The following ARHGAP28 variants were observed in gnomAD, a reference collection of about 807,000 sequenced individuals.
ARHGAP28 encodes Rho GTPase activating protein 28, also known as rho GTPase-activating protein 28.
In ARHGAP28, 56 loss-of-function variants were observed where a neutral mutation model predicts 90.7. The observed-to-expected ratio is 0.62, with a 90% CI of 0.50 to 0.77. The LOEUF is 0.77. ARHGAP28 is among the 30% of genes least tolerant of loss of function. The pLI is 0.00. For synonymous variants in ARHGAP28, 308 were observed against 323.3 expected (o/e 0.95, Z 0.51); for missense variants, 869 against 900.9 (o/e 0.96, Z 0.45).
At chr18:6,837,174 C>G in intron 2 of ARHGAP28, 23 bp from the exon 3 acceptor site, 1 of 1,520,676 alleles carries the variant, frequency 6.6e-7, no homozygotes, top group Non-Finnish European at 8.9e-7. Context: ...TTCTAACCCT[C>G]TCTTGGTAAT....
intron 14 of ARHGAP28, among the ~76,000 whole-genome samples, chr18:6,893,582 G>C (rs1418454871): frequency 1.3e-5 from 2 of 152,120 alleles, no homozygotes; most frequent in Middle Eastern, 3.2e-3. Flanking sequence ...CTACCCATAT[G>C]AGCCTGGACA....
At chr18:6,896,757 G>A in intron 16 of ARHGAP28, 131 bp downstream of exon 16, 1 of 1,040,072 alleles carries the variant, frequency 9.6e-7, no homozygotes, top group East Asian at 2.6e-5. Context: ...TTTACCAGTG[G>A]ATTACGAGAA....
At chr18:6,833,352 A>G (rs2056729758) in intron 2 of ARHGAP28, among the ~76,000 whole-genome samples, 1 of 151,986 alleles carries the variant, frequency 6.6e-6, no homozygotes, top group African/African-American at 2.4e-5. Flanking sequence ...TCGTTTCTAG[A>G]TTACCTTTTA....
chr18:6,849,932 T>C (rs1416379378), intron 3 of ARHGAP28, among the ~76,000 whole-genome samples: 1 of 152,184 alleles, frequency 6.6e-6, no homozygotes, highest in Non-Finnish European at 1.5e-5. Context: ...TTTCTTTCTC[T>C]CCACTTTTTC....
rs139339040 is a variant in ARHGAP28 at position 6,787,881 on chromosome 18, A to AT, written c.123-36879dup. Among the ~76,000 whole-genome samples, 1,517 of 152,328 alleles carry AT rather than the reference A, an allele frequency of 1.0e-2. 21 individuals carry two copies. Among genetic ancestry groups the AT allele is most frequent in the African/African-American group, 0.034 (1,409 of 41,568 alleles). On this transcript the variant is annotated intron_variant, in intron 1 of 17. Transcript: ENST00000383472. ...TCTAATTCCTATCCATCACAGTTGG[A>AT]TTGACAGTAGGATTACTCCAACTGT...
chr18:6,821,565 C>T (rs1462423202), intron 1 of ARHGAP28, among the ~76,000 whole-genome samples: 1 of 152,186 alleles, frequency 6.6e-6, no homozygotes, highest in African/African-American at 2.4e-5. Flanking sequence ...ATGGTTCCTT[C>T]TCCACCCTGG....
chr18:6,896,554 T>A lies in ARHGAP28; in HGVS notation c.1958T>A (p.Val653Glu). The change falls in exon 16 of 18, where the codon GTG becomes GAG. Residue 653 changes from valine (V) to glutamate (E), a missense_variant. Physicochemically the swap from Val to Glu is moderately radical, Grantham distance 121. Coordinates refer to ENST00000383472, the MANE Select transcript of ARHGAP28 (RefSeq NM_001366230.1). ...IRVHAPLLSK[V>E]SMAIQLNNQT... Reference sequence around the variant, plus strand: ...GTCCATGCTCCACTTCTCTCCAAGGTGTCCATGGCCATTCAACTCAACAAT... The same window carrying A: ...GTCCATGCTCCACTTCTCTCCAAGGAGTCCATGGCCATTCAACTCAACAAT... 6.2e-7 allele frequency: 1 copy of A among 1,614,158 alleles called. No individual in the cohort carries two copies. Among genetic ancestry groups the A allele is most frequent in the East Asian group, 2.2e-5 (1 of 44,882 alleles).
chr18:6,909,875 C>G (rs1049485696), intron 17 of ARHGAP28, among the ~76,000 whole-genome samples: 3 of 152,148 alleles, frequency 2.0e-5, no homozygotes, highest in African/African-American at 7.2e-5. Flanking sequence ...CACTCTCCCA[C>G]ACCATCAGCC....
chr18:6,813,044 C>T (rs962206591), intron 1 of ARHGAP28, among the ~76,000 whole-genome samples: 3 of 151,994 alleles, frequency 2.0e-5, no homozygotes, highest in Admixed American at 1.3e-4. Context: ...GTTGGGTGGA[C>T]GATGATTATT....
At chr18:6,897,500 A>G (rs1399836282) in intron 16 of ARHGAP28, 1 of 152,222 alleles carries the variant, frequency 6.6e-6, no homozygotes. Flanking sequence ...TGCTTACTAA[A>G]GAATAAACAT....
At chr18:6,908,125 G>GTTTTA (rs55928161) in intron 16 of ARHGAP28, among the ~76,000 whole-genome samples, 36,082 of 149,396 alleles carry the variant, frequency 0.24, 4,679 homozygotes, top group Non-Finnish European at 0.29. Context: ...ATTTTATTTT[G>GTTTTA]TTTTATTTTA....
intron 3 of ARHGAP28, among the ~76,000 whole-genome samples, chr18:6,841,564 A>C (rs1052716072): frequency 3.3e-5 from 5 of 151,846 alleles, no homozygotes; most frequent in African/African-American, 9.7e-5. Context: ...TAGAAAATAG[A>C]TATGTAGATT....
chr18:6,838,208 T>C (rs1210473035), intron 3 of ARHGAP28, among the ~76,000 whole-genome samples: 3 of 152,204 alleles, frequency 2.0e-5, no homozygotes, highest in African/African-American at 7.2e-5. Flanking sequence ...GGATAACTAG[T>C]ATATAGAAAA....
chr18:6,798,832 A>G (rs1403216494), intron 1 of ARHGAP28, among the ~76,000 whole-genome samples: 2 of 152,244 alleles, frequency 1.3e-5, no homozygotes, highest in African/African-American at 4.8e-5. Context: ...ATTTAAATAA[A>G]AAATAAAAGC....
In ARHGAP28 at chr18:6,742,012, G is replaced by A. The variant is rs562538906; in HGVS notation, c.122+12069G>A. ...GTAATGAAGTAGCTTAAGTAAAGCT[G>A]ATGAAGTCCTCAGCTGGAATTGTGG... On this transcript the variant is annotated intron_variant, in intron 1 of 17. Transcript: ENST00000383472. 3.3e-5 allele frequency among the ~76,000 whole-genome samples: 5 copies of A among 152,312 alleles called. No individual in the cohort carries two copies. The South Asian group carries it at 1.0e-3, about 32-fold the overall frequency.
chr18:6,785,512 G>A (rs2056358398), intron 1 of ARHGAP28, among the ~76,000 whole-genome samples: 1 of 152,180 alleles, frequency 6.6e-6, no homozygotes, highest in African/African-American at 2.4e-5. Context: ...CAGCACAGTT[G>A]CTTCCTCCTC....
intron 1 of ARHGAP28, among the ~76,000 whole-genome samples, chr18:6,736,208 A>G (rs952247139): frequency 2.0e-5 from 3 of 152,196 alleles, no homozygotes; most frequent in African/African-American, 7.2e-5. Flanking sequence ...ACTATGAAAT[A>G]GACGTCTAGT....
At chr18:6,911,326 C>G (rs1173189217) in intron 17 of ARHGAP28, among the ~76,000 whole-genome samples, 1 of 152,202 alleles carries the variant, frequency 6.6e-6, no homozygotes, top group Non-Finnish European at 1.5e-5. Context: ...TGAATCTTCT[C>G]TAGCTCTGGT....
chr18:6,891,350 T>C (rs1401045449), intron 14 of ARHGAP28, among the ~76,000 whole-genome samples: 1 of 152,028 alleles, frequency 6.6e-6, no homozygotes, highest in Non-Finnish European at 1.5e-5. Context: ...CTTACTCCTC[T>C]GCCTCCTGAG....
Sources: allele counts gnomAD v4.1 joint callset (sites outside exome capture counted in the v4.1 genomes callset), GRCh38; gene constraint gnomAD v4.1.1; transcripts MANE v1.5; gene names NCBI Gene and HGNC (gene_info 2026-07-23, HGNC 2026-07-21).